Variants in ADGRL3 observed in about 807,000 individuals in gnomAD.
ADGRL3 encodes the protein calcium-independent alpha-latrotoxin receptor 3.
ADGRL3 carries 62 observed loss-of-function variants against 153.5 expected under a neutral mutation model. That is an observed-to-expected ratio of 0.40 (90% CI 0.33 to 0.50). The LOEUF (loss-of-function observed/expected upper bound fraction) is 0.50. Among genes scored for constraint, ADGRL3 ranks in the 20% least tolerant of loss-of-function variants. ADGRL3 has a pLI of 0.47. For synonymous variants in ADGRL3, 710 were observed against 672.5 expected (o/e 1.06, Z -0.86); for missense variants, 1,641 against 1,859.4 (o/e 0.88, Z 2.16).
At chr4:61,948,607 T>G (rs2098934958) in intron 17 of ADGRL3, among the ~76,000 whole-genome samples, 1 of 152,052 alleles carries the variant, frequency 6.6e-6, no homozygotes, top group Non-Finnish European at 1.5e-5. Context: ...TGGGGTTGGT[T>G]TAGAAAGCTG....
At chr4:61,611,106 A>G (rs750523286) in intron 5 of ADGRL3, among the ~76,000 whole-genome samples, 5 of 152,178 alleles carry the variant, frequency 3.3e-5, no homozygotes, top group Non-Finnish European at 7.3e-5. Flanking sequence ...TTGTTTGTCC[A>G]TATGCGTTTT....
intron 9 of ADGRL3, among the ~76,000 whole-genome samples, chr4:61,819,306 A>C (rs1348926043): frequency 6.6e-6 from 1 of 151,900 alleles, no homozygotes; most frequent in African/African-American, 2.4e-5. Flanking sequence ...ATCTCCAGTA[A>C]TTTTTTTTGT....
intron 1 of ADGRL3, among the ~76,000 whole-genome samples, chr4:61,323,536 A>C (rs546352065): frequency 9.7e-4 from 148 of 152,258 alleles, no homozygotes; most frequent in Non-Finnish European, 1.8e-3. Context: ...CTTCCACCAG[A>C]CACCCTAAAT....
intron 6 of ADGRL3, among the ~76,000 whole-genome samples, chr4:61,715,167 A>T (rs1451487180): frequency 3.3e-5 from 5 of 152,124 alleles, no homozygotes; most frequent in African/African-American, 1.2e-4. Context: ...TTTTTGAAAC[A>T]CTTGGCCAAT....
At chr4:61,987,115 TTTTATTTTATTTTA>T (rs1239040726) in intron 19 of ADGRL3, among the ~76,000 whole-genome samples, 2 of 40,474 alleles carry the variant, frequency 4.9e-5, no homozygotes, top group Non-Finnish European at 1.6e-4. Context: ...TTTTATTTTA[TTTTATTTTATTTTA>T]TTTTATTTTA....
At chr4:61,235,141 C>T (rs1307955577) in intron 1 of ADGRL3, among the ~76,000 whole-genome samples, 3 of 152,216 alleles carry the variant, frequency 2.0e-5, no homozygotes, top group Non-Finnish European at 4.4e-5. Flanking sequence ...TCTAGTAGAG[C>T]GATGAGTAGA....
rs1042773228 is a variant in ADGRL3, at chr4:61,949,562, G to A, written c.2805+1286G>A. Among the ~76,000 whole-genome samples, 16 of 151,880 alleles carry A rather than the reference G, an allele frequency of 1.1e-4. 1 individual carries two copies. The highest frequency in any genetic ancestry group is 3.6e-4 in the African/African-American group (15 of 41,344). On this transcript the variant is annotated intron_variant, in intron 17 of 26. Coordinates refer to ENST00000683033, the MANE Select transcript of ADGRL3 (RefSeq NM_001387552.1). ...AAATACAAAAATTAGCTGAGCGTTG[G>A]TGCATGCTTGTAATCCCAGCTACTC... is the stretch of plus-strand genomic sequence containing the variant.
chr4:62,030,427 T>A (rs1211960478), intron 22 of ADGRL3, among the ~76,000 whole-genome samples: 3 of 151,590 alleles, frequency 2.0e-5, no homozygotes, highest in Admixed American at 6.6e-5. Context: ...TCTACTGATT[T>A]GGTCCTGTTC....
intron 2 of ADGRL3, among the ~76,000 whole-genome samples, chr4:61,482,683 T>C (rs1017236916): frequency 6.6e-6 from 1 of 152,132 alleles, no homozygotes; most frequent in Non-Finnish European, 1.5e-5. Flanking sequence ...TAAATAAAAA[T>C]AGGAGCCATT....
intron 9 of ADGRL3, among the ~76,000 whole-genome samples, chr4:61,869,737 G>A (rs997091738): frequency 2.0e-5 from 3 of 151,300 alleles, no homozygotes; most frequent in South Asian, 2.1e-4. Context: ...TCGGGAGTTC[G>A]AGACCAGCCT....
chr4:61,825,564 G>C (rs1399406057), intron 9 of ADGRL3, among the ~76,000 whole-genome samples: 5 of 151,762 alleles, frequency 3.3e-5, no homozygotes, highest in African/African-American at 1.2e-4. Context: ...AGTTGTGAAT[G>C]GCTATATACT....
At chr4:61,580,602 G>T (rs1438619427) in intron 4 of ADGRL3, among the ~76,000 whole-genome samples, 2 of 152,070 alleles carry the variant, frequency 1.3e-5, no homozygotes, top group African/African-American at 2.4e-5. Context: ...AGGAGTCCAG[G>T]AGTAGTTTAA....
intron 1 of ADGRL3, among the ~76,000 whole-genome samples, chr4:61,274,264 A>C (rs1350399432): frequency 6.6e-6 from 1 of 152,252 alleles, no homozygotes; most frequent in Non-Finnish European, 1.5e-5. Context: ...ATGAGCAAAT[A>C]TAAAAATGAT....
chr4:61,336,079 A>G (rs138147405), intron 1 of ADGRL3, among the ~76,000 whole-genome samples: 82 of 152,326 alleles, frequency 5.4e-4, no homozygotes, highest in African/African-American at 1.8e-3. Flanking sequence ...AACAAATACT[A>G]TATTAGGTAT....
intron 5 of ADGRL3, among the ~76,000 whole-genome samples, chr4:61,620,856 G>T (rs896503860): frequency 6.6e-6 from 1 of 151,590 alleles, no homozygotes; most frequent in Non-Finnish European, 1.5e-5. Flanking sequence ...GGCCAGGATG[G>T]TCTCCATCTC....
At chr4:61,605,552 T>G (rs549525422) in intron 5 of ADGRL3, among the ~76,000 whole-genome samples, 46 of 152,178 alleles carry the variant, frequency 3.0e-4, no homozygotes, top group Non-Finnish European at 6.3e-4. Context: ...TTATTCCATA[T>G]TCTATGTGAA....
At chr4:61,498,539 G>C (rs1352741741) in intron 3 of ADGRL3, among the ~76,000 whole-genome samples, 1 of 151,586 alleles carries the variant, frequency 6.6e-6, no homozygotes, top group Non-Finnish European at 1.5e-5. Flanking sequence ...GACAGAACGA[G>C]ACTCTGTCTC....
At chr4:61,937,526 C>T (rs1305249882) in intron 15 of ADGRL3, among the ~76,000 whole-genome samples, 1 of 151,724 alleles carries the variant, frequency 6.6e-6, no homozygotes, top group African/African-American at 2.4e-5. Context: ...GAGAGTCTTC[C>T]CTATCTCCTC....
chr4:61,893,996 C>T (rs1275429438), intron 10 of ADGRL3, among the ~76,000 whole-genome samples: 1 of 152,102 alleles, frequency 6.6e-6, no homozygotes, highest in African/African-American at 2.4e-5. Flanking sequence ...CAGGCATAAG[C>T]CACTGCGCCT....
Sources: allele counts gnomAD v4.1 joint callset (sites outside exome capture counted in the v4.1 genomes callset), GRCh38; gene constraint gnomAD v4.1.1; transcripts MANE v1.5; gene names NCBI Gene and HGNC (gene_info 2026-07-23, HGNC 2026-07-21).